The following SAMD4B variants were observed in gnomAD, a reference collection of about 807,000 sequenced individuals.
The protein encoded by SAMD4B is sterile alpha motif domain containing 4B, also known as protein Smaug homolog 2.
SAMD4B carries 5 observed loss-of-function variants against 74.5 expected under a neutral mutation model. That is an observed-to-expected ratio of 0.07 (90% CI 0.04 to 0.14). The LOEUF (loss-of-function observed/expected upper bound fraction) is 0.14, where lower values mean the gene tolerates loss of function less well. SAMD4B is among the 10% of genes least tolerant of loss of function. The pLI is 1.00. For synonymous variants in SAMD4B, 373 were observed against 374.9 expected, an observed-to-expected ratio of 1.00 and a Z score of 0.06; for missense variants, 608 against 921.8, an observed-to-expected ratio of 0.66 and a Z score of 4.41.
At chr19:39,379,622 G>C (rs1271521024) in intron 9 of SAMD4B, among the ~76,000 whole-genome samples, 3 of 152,152 alleles carry the variant, frequency 2.0e-5, no homozygotes, top group Non-Finnish European at 4.4e-5. Flanking sequence ...CCAGGCTGGA[G>C]TGCAATGGCG....
chr19:39,356,263 G>A (rs2076337168), intron 2 of SAMD4B, among the ~76,000 whole-genome samples: 1 of 152,166 alleles, frequency 6.6e-6, no homozygotes, highest in Admixed American at 6.5e-5. Context: ...AGAGAAGGTG[G>A]CCAGAAACCA....
At chr19:39,345,092 C>T (rs986988544) in intron 1 of SAMD4B, among the ~76,000 whole-genome samples, 1 of 152,178 alleles carries the variant, frequency 6.6e-6, no homozygotes, top group African/African-American at 2.4e-5. Context: ...CAGGGCCCAG[C>T]AATCAAGAGT....
chr19:39,374,623 C>T (rs1268868205), intron 4 of SAMD4B, among the ~76,000 whole-genome samples: 1 of 152,076 alleles, frequency 6.6e-6, no homozygotes, highest in South Asian at 2.1e-4. Context: ...GGGCGGATCA[C>T]GAGGTCAGGA....
At position 39,369,866 on chromosome 19, in the gene SAMD4B, A is replaced by G; in HGVS notation, c.408A>G (p.Thr136=). Residue 136 remains threonine (T), a synonymous_variant, in exon 4 of 14, where the codon ACA becomes ACG. Coordinates refer to ENST00000610417, the MANE Select transcript of SAMD4B (RefSeq NM_001384574.2). ...ATGCCCTCATCCACCCAGCCACCAC[A>G]CTGGAGGACCGCAACGCACTGGCCC... ...LSYALIHPAT[T]LEDRNALALW... 6.2e-7 allele frequency: 1 copy of G among 1,614,196 alleles called. No individual in the cohort carries two copies. The highest frequency in any genetic ancestry group is 8.5e-7 in the Non-Finnish European group (1 of 1,180,034).
At chr19:39,388,640 G>A, downstream of SAMD4B, 1 of 1,614,106 alleles carries the variant, frequency 6.2e-7, no homozygotes, top group South Asian at 1.1e-5. Context: ...GCAGGAAATA[G>A]GCCACAAACT....
chr19:39,358,771 A>G (rs2076482485), intron 3 of SAMD4B, among the ~76,000 whole-genome samples: 1 of 152,148 alleles, frequency 6.6e-6, no homozygotes, highest in South Asian at 2.1e-4. Context: ...CCTCACAACA[A>G]CCCCATGAGG....
intron 2 of SAMD4B, among the ~76,000 whole-genome samples, chr19:39,355,095 ACTC>A (rs78657122): frequency 0.012 from 1,836 of 151,386 alleles, 12 homozygotes; most frequent in Non-Finnish European, 0.019. Context: ...CTGATCTTGA[ACTC>A]CTGACCTCAA....
chr19:39,390,205 C>G, downstream of SAMD4B: 1 of 1,612,900 alleles, frequency 6.2e-7, no homozygotes, highest in South Asian at 1.1e-5. Flanking sequence ...GCTGCCCCAC[C>G]TCTGCTCCCA....
chr19:39,386,268 C>A, downstream of SAMD4B: 1 of 1,614,190 alleles, frequency 6.2e-7, no homozygotes, highest in Non-Finnish European at 8.5e-7. The surrounding 1 kb of genome is among the most constrained non-coding windows in gnomAD (Gnocchi z 6.1). Flanking sequence ...CTCATCCTCG[C>A]TGCTCTCGTC....
chr19:39,388,004 G>A (rs959777967), downstream of SAMD4B, among the ~76,000 whole-genome samples: 1 of 152,170 alleles, frequency 6.6e-6, no homozygotes, highest in Admixed American at 6.5e-5. Context: ...AGCTGGCCAT[G>A]CTGGCACACG....
Position 39,381,135 on chromosome 19 carries a change from ACT to A in SAMD4B, c.1972+25_1972+26del, listed in dbSNP as rs1013406998. On this transcript the variant is annotated intron_variant, in intron 12 of 13. Coordinates refer to ENST00000610417, the MANE Select transcript of SAMD4B (RefSeq NM_001384574.2). ...CCAGGTGAGGTGCCCCACCCTTGGGACTCTGCCTGGCCAACATCCTCAGCTGA... is the reference window on the plus strand; with the variant it reads ...CCAGGTGAGGTGCCCCACCCTTGGGACTGCCTGGCCAACATCCTCAGCTGA... 3.8e-6 allele frequency: 6 copies of A among 1,571,030 alleles called. No individual in the cohort carries two copies. The Admixed American group carries it at 9.4e-5, about 25-fold the overall frequency.
Position 39,383,749 on chromosome 19 carries a change from C to A in SAMD4B, c.*222C>A. On this transcript the variant is annotated 3_prime_UTR_variant, in exon 14 of 14. Coordinates refer to ENST00000610417, the MANE Select transcript of SAMD4B (RefSeq NM_001384574.2). This position sits in a 1 kb window ranked among gnomAD's most constrained non-coding sequence, Gnocchi z 4.1. Reference sequence around the variant, plus strand: ...CTGCTGAGGCCCGGGGAGTTGGGGGCAGCCAGGATAAAGGGGGCAGGGACT... The same window carrying A: ...CTGCTGAGGCCCGGGGAGTTGGGGGAAGCCAGGATAAAGGGGGCAGGGACT... 6.6e-7 allele frequency: 1 copy of A among 1,523,400 alleles called. No homozygotes were observed. Among genetic ancestry groups the A allele is most frequent in the Non-Finnish European group, 8.8e-7 (1 of 1,136,148 alleles). The allele number at this position is 1,523,400 out of a possible 1,614,324, so 94.4% of individuals were successfully genotyped here.
chr19:39,361,161 C>G (rs2145499810), intron 3 of SAMD4B, among the ~76,000 whole-genome samples: 2 of 152,282 alleles, frequency 1.3e-5, no homozygotes. Context: ...ATACTACTTT[C>G]TTTTGGGAGA....
intron 3 of SAMD4B, among the ~76,000 whole-genome samples, chr19:39,361,926 CAAA>C (rs2076680581): frequency 6.6e-6 from 1 of 151,600 alleles, no homozygotes; most frequent in Non-Finnish European, 1.5e-5. Flanking sequence ...GACTCCGTCT[CAAA>C]GAAAAAAAAA....
chr19:39,380,940 C>T, intron 11 of SAMD4B, 50 bp from the exon 12 acceptor site: 1 of 1,560,052 alleles, frequency 6.4e-7, no homozygotes, highest in Non-Finnish European at 8.7e-7. Flanking sequence ...ACTCTTGGGT[C>T]TGGGCCTCTT....
intron 1 of SAMD4B, among the ~76,000 whole-genome samples, chr19:39,345,815 C>T (rs1031024241): frequency 1.3e-5 from 2 of 152,206 alleles, no homozygotes; most frequent in African/African-American, 4.8e-5. Flanking sequence ...CCTCAGATCT[C>T]ACTCCTCATT....
chr19:39,382,088 A>G (rs529413142), intron 12 of SAMD4B, among the ~76,000 whole-genome samples: 4 of 141,070 alleles, frequency 2.8e-5, no homozygotes, highest in Admixed American at 2.7e-4. Flanking sequence ...CTGACTCTAG[A>G]GAGAGCATGG....
intron 3 of SAMD4B, chr19:39,369,013 G>A (rs924597623): frequency 1.3e-5 from 2 of 152,676 alleles, no homozygotes; most frequent in African/African-American, 4.8e-5. Flanking sequence ...ATGGAGGAAG[G>A]AGTCATGGAG....
intron 3 of SAMD4B, among the ~76,000 whole-genome samples, chr19:39,360,328 G>A (rs1403832128): frequency 6.6e-6 from 1 of 152,210 alleles, no homozygotes; most frequent in African/African-American, 2.4e-5. Flanking sequence ...GCCTAGCCAG[G>A]GTTGAGAAGT....
Sources: allele counts gnomAD v4.1 joint callset (sites outside exome capture counted in the v4.1 genomes callset), GRCh38; gene constraint gnomAD v4.1.1; non-coding constraint Gnocchi (gnomAD v3.1); transcripts MANE v1.5; gene names NCBI Gene and HGNC (gene_info 2026-07-23, HGNC 2026-07-21).